The following CDH13 variants were observed in gnomAD, a reference collection of about 807,000 sequenced individuals.
CDH13 encodes cadherin 13, also known as cadherin-13.
CDH13 carries 24 observed loss-of-function variants against 63.8 expected under a neutral mutation model. The ratio of observed to expected loss-of-function variants is 0.38; its 90% confidence interval spans 0.27 to 0.53. The LOEUF (loss-of-function observed/expected upper bound fraction) is 0.53. Ranked by LOEUF, CDH13 falls within the 20% of genes least tolerant of loss-of-function variation. The pLI is 0.85. For synonymous variants in CDH13, 503 were observed against 355.3 expected (o/e 1.42, Z -4.67); for missense variants, 1,049 against 903.1 (o/e 1.16, Z -2.07).
At chr16:83,581,201 A>G (rs1905565201) in intron 7 of CDH13, among the ~76,000 whole-genome samples, 1 of 152,216 alleles carries the variant, frequency 6.6e-6, no homozygotes, top group South Asian at 2.1e-4. Flanking sequence ...GCATTTGGAA[A>G]GCAGGTATGG....
intron 1 of CDH13, among the ~76,000 whole-genome samples, chr16:82,828,510 C>G (rs1445150261): frequency 1.3e-5 from 2 of 152,042 alleles, no homozygotes; most frequent in Non-Finnish European, 2.9e-5. Flanking sequence ...CCACCTAATC[C>G]CAGCTACTCA....
Position 83,500,263 on chromosome 16 carries a change from TC to T in CDH13, c.960+13609del, listed in dbSNP as rs1455944902. 2.0e-3 allele frequency among the ~76,000 whole-genome samples: 6 copies of T among 3,066 alleles called. No individual in the cohort carries two copies. In the East Asian group the frequency reaches 0.1, roughly 51 times the overall value. 2.0% of individuals were successfully genotyped at this position (3,066 alleles called of 152,430 possible). Reference sequence around the variant, plus strand: ...TTCTTCTTCTTCTTCTTCTTCTTCTTCTTCTTCTTCTTCTTCTTCTTCTTCT... The same window carrying T: ...TTCTTCTTCTTCTTCTTCTTCTTCTTTTCTTCTTCTTCTTCTTCTTCTTCT... On this transcript the variant is annotated intron_variant, in intron 7 of 13. Transcript: ENST00000567109.
intron 10 of CDH13, among the ~76,000 whole-genome samples, chr16:83,697,897 C>T (rs1905626142): frequency 6.6e-6 from 1 of 152,222 alleles, no homozygotes; most frequent in Non-Finnish European, 1.5e-5. Context: ...TCTGCCCCGC[C>T]TCGGCCTCCC....
At chr16:82,639,495 CT>C in intron 1 of CDH13, 1 of 1,431,432 alleles carries the variant, frequency 7.0e-7, no homozygotes, top group South Asian at 1.2e-5. Context: ...TGTCGTGTGG[CT>C]GGATGGAATT....
chr16:83,771,133 T>C (rs1914732409), intron 11 of CDH13, among the ~76,000 whole-genome samples: 1 of 152,166 alleles, frequency 6.6e-6, no homozygotes, highest in Non-Finnish European at 1.5e-5. Context: ...TCCTAGACTG[T>C]ATGATAACAG....
At chr16:83,592,466 A>G (rs148269462) in intron 7 of CDH13, among the ~76,000 whole-genome samples, 1 of 152,230 alleles carries the variant, frequency 6.6e-6, no homozygotes, top group Non-Finnish European at 1.5e-5. Context: ...CTGAATGTCA[A>G]GTATTTGCCA....
intron 5 of CDH13, among the ~76,000 whole-genome samples, chr16:83,310,972 C>T (rs981122633): frequency 2.6e-5 from 4 of 152,208 alleles, no homozygotes; most frequent in African/African-American, 9.7e-5. Flanking sequence ...CCACACAACA[C>T]ACACAAAGTA....
chr16:83,236,827 G>A (rs1272789106), intron 5 of CDH13, among the ~76,000 whole-genome samples: 1 of 152,062 alleles, frequency 6.6e-6, no homozygotes, highest in Non-Finnish European at 1.5e-5. Context: ...TGGGAAGGAG[G>A]GCCTACTTAT....
chr16:83,554,113 C>G (rs2075560090), intron 7 of CDH13, among the ~76,000 whole-genome samples: 1 of 152,114 alleles, frequency 6.6e-6, no homozygotes, highest in African/African-American at 2.4e-5. Flanking sequence ...GTAGCAGTGC[C>G]ATTTCTGTCT....
chr16:82,699,330 C>T (rs547853103), intron 1 of CDH13, among the ~76,000 whole-genome samples: 11 of 152,212 alleles, frequency 7.2e-5, no homozygotes, highest in African/African-American at 2.6e-4. Context: ...CCAGGAGGAC[C>T]ACCGGTAGTA....
chr16:83,742,817 G>A (rs77327492), intron 10 of CDH13, among the ~76,000 whole-genome samples: 1 of 152,208 alleles, frequency 6.6e-6, no homozygotes, highest in Admixed American at 6.5e-5. Context: ...CTGTCTGCAG[G>A]TGTGTTTCTG....
Position 83,380,047 on chromosome 16 carries a change from A to G in CDH13, c.781+35041A>G, listed in dbSNP as rs891314580. ...TAAACAATTAATAAACATATACATA[A>G]AATATACCATATTATTCTCAGAAAC... On this transcript the variant is annotated intron_variant, in intron 6 of 13. Coordinates refer to ENST00000567109, the MANE Select transcript of CDH13 (RefSeq NM_001257.5). Among the ~76,000 whole-genome samples the G allele has an allele frequency of 4.4e-4, 66 of 151,598 alleles. 1 individual carries two copies. The highest frequency in any genetic ancestry group is 8.8e-5 in the Non-Finnish European group (6 of 67,944).
At chr16:83,232,911 C>G (rs532821999) in intron 5 of CDH13, among the ~76,000 whole-genome samples, 40 of 152,248 alleles carry the variant, frequency 2.6e-4, no homozygotes, top group African/African-American at 7.2e-4. Context: ...ATAAGTTTCC[C>G]CTTTTCTGGG....
chr16:83,043,448 G>C (rs1356081004), intron 3 of CDH13, among the ~76,000 whole-genome samples: 1 of 151,780 alleles, frequency 6.6e-6, no homozygotes, highest in Non-Finnish European at 1.5e-5. Flanking sequence ...AACGAAACCA[G>C]TGAAATTAAC....
At position 83,261,339 on chromosome 16, in the gene CDH13, AAT is replaced by A. The variant is rs756863434; in HGVS notation, c.636+43843_636+43844del. Among the ~76,000 whole-genome samples, 42 of 152,194 alleles carry A rather than the reference AAT, an allele frequency of 2.8e-4. 1 individual carries two copies. The highest frequency in any genetic ancestry group is 5.1e-4 in the Non-Finnish European group (35 of 68,016). On this transcript the variant is annotated intron_variant, in intron 5 of 13. Coordinates refer to ENST00000567109, the MANE Select transcript of CDH13 (RefSeq NM_001257.5). ...TCCCCTCGATAAGCCAGCTGTTCTCAATTGGGGATGACTTTACCCTTCAGGGG... is the reference window on the plus strand; with the variant it reads ...TCCCCTCGATAAGCCAGCTGTTCTCATGGGGATGACTTTACCCTTCAGGGG...
intron 11 of CDH13, among the ~76,000 whole-genome samples, chr16:83,763,706 G>A (rs1914159532): frequency 6.6e-6 from 1 of 152,204 alleles, no homozygotes; most frequent in Admixed American, 6.5e-5. Flanking sequence ...GATATTAATT[G>A]AGGAGGAAAA....
intron 2 of CDH13, among the ~76,000 whole-genome samples, chr16:82,922,753 C>T (rs1034450753): frequency 2.6e-5 from 4 of 152,002 alleles, no homozygotes; most frequent in African/African-American, 9.7e-5. Context: ...AATCATGTGC[C>T]CGAGAGGAAA....
chr16:83,474,287 C>A (rs976597165), intron 6 of CDH13, among the ~76,000 whole-genome samples: 23 of 152,158 alleles, frequency 1.5e-4, no homozygotes, highest in African/African-American at 5.3e-4. Flanking sequence ...TAGGTGTCAG[C>A]CCATTTTACA....
intron 5 of CDH13, among the ~76,000 whole-genome samples, chr16:83,263,094 A>G (rs369897916): frequency 6.6e-6 from 1 of 152,254 alleles, no homozygotes; most frequent in African/African-American, 2.4e-5. Context: ...CTATGGATAT[A>G]AACAAGGAGG....
Sources: allele counts gnomAD v4.1 joint callset (sites outside exome capture counted in the v4.1 genomes callset), GRCh38; gene constraint gnomAD v4.1.1; transcripts MANE v1.5; gene names NCBI Gene and HGNC (gene_info 2026-07-23, HGNC 2026-07-21).